PIK3C2G: variants seen among roughly 807,000 people sequenced by gnomAD.
The protein encoded by PIK3C2G is phosphatidylinositol-4-phosphate 3-kinase catalytic subunit type 2 gamma.
Under a neutral mutation model 181.1 loss-of-function variants are expected in PIK3C2G, and 168 were observed. That is an observed-to-expected ratio of 0.93 (90% confidence interval 0.82 to 1.05). The LOEUF is 1.05. Among genes scored for constraint, PIK3C2G ranks in the 50% least tolerant of loss-of-function variants. PIK3C2G has a pLI of 0.00. For missense variants in PIK3C2G, 1,869 were observed against 1,732.8 expected (o/e 1.08, Z -1.40); for synonymous variants, 573 against 592.2 (o/e 0.97, Z 0.47).
At chr12:18,421,566 T>C (rs1464043258) in intron 17 of PIK3C2G, among the ~76,000 whole-genome samples, 4 of 152,194 alleles carry the variant, frequency 2.6e-5, no homozygotes, top group South Asian at 4.1e-4. Context: ...AAGCAAAGAC[T>C]GATTTAGTCT....
chr12:18,634,880 C>T (rs1398552253), intron 31 of PIK3C2G, among the ~76,000 whole-genome samples: 1 of 151,448 alleles, frequency 6.6e-6, no homozygotes, highest in African/African-American at 2.4e-5. Flanking sequence ...TTTTTTTTGC[C>T]CATTTAGAGA....
intron 16 of PIK3C2G, among the ~76,000 whole-genome samples, chr12:18,406,469 G>A (rs1301762136): frequency 6.6e-6 from 1 of 152,130 alleles, no homozygotes; most frequent in Non-Finnish European, 1.5e-5. Context: ...AAAGGAATAG[G>A]GAGATATAAA....
chr12:18,381,219 C>G (rs1017843021), intron 13 of PIK3C2G, among the ~76,000 whole-genome samples: 80 of 152,118 alleles, frequency 5.3e-4, no homozygotes, highest in Admixed American at 3.9e-4. Flanking sequence ...AATAATCTTT[C>G]TATTTATGCA....
intron 18 of PIK3C2G, among the ~76,000 whole-genome samples, chr12:18,447,147 G>T (rs1592280409): frequency 1.3e-5 from 2 of 152,202 alleles, no homozygotes; most frequent in South Asian, 4.1e-4. Context: ...ACCCCTATTT[G>T]GTTCGTGTGT....
At chr12:18,307,033 T>C (rs963253981) in intron 5 of PIK3C2G, among the ~76,000 whole-genome samples, 5 of 149,866 alleles carry the variant, frequency 3.3e-5, no homozygotes, top group Admixed American at 6.8e-5. Context: ...AAGGAGCGGC[T>C]AGGGCAATGA....
intron 22 of PIK3C2G, among the ~76,000 whole-genome samples, chr12:18,499,028 T>C (rs1941224798): frequency 6.6e-6 from 1 of 152,224 alleles, no homozygotes; most frequent in African/African-American, 2.4e-5. Context: ...TTTCTCCAGA[T>C]ATTGAATAAA....
chr12:18,666,059 A>G, the PIK3C2G span, among the ~76,000 whole-genome samples: 5 of 152,082 alleles, frequency 3.3e-5, no homozygotes, highest in Non-Finnish European at 7.4e-5. Flanking sequence ...TAAGATATTA[A>G]TGGTAATCTC....
rs576853300 is a variant in PIK3C2G at position 18,362,805 on chromosome 12, G to C, written c.1667G>C (p.Gly556Ala). 7.3e-5 allele frequency: 111 copies of C among 1,524,646 alleles called. 5 individuals carry two copies. The South Asian group carries it at 1.3e-3, about 18-fold the overall frequency. The allele number at this position is 1,524,646 out of a possible 1,614,324, so 94.4% of individuals were successfully genotyped here. The stretch of plus-strand genomic sequence containing the variant: ...TTTACCTGTTGGCTTACATATGCTG[G>C]AAAGAAGCTGTGCCAAGTGAGAAAC... ...FSFTCWLTYA[G>A]KKLCQVRNYR... The change falls in exon 12 of 33, where the codon GGA becomes GCA. Residue 556 changes from glycine (G) to alanine (A), a missense_variant. Gly to Ala is a moderately conservative substitution (Grantham distance 60). Coordinates refer to ENST00000538779, the MANE Select transcript of PIK3C2G (RefSeq NM_001288772.2).
At chr12:18,537,809 A>T (rs2136238705) in intron 24 of PIK3C2G, among the ~76,000 whole-genome samples, 1 of 152,144 alleles carries the variant, frequency 6.6e-6, no homozygotes, top group Non-Finnish European at 1.5e-5. Context: ...TTAGCAGAAA[A>T]TGTACTTTTT....
chr12:18,625,687 T>C (rs1026647603), intron 31 of PIK3C2G, among the ~76,000 whole-genome samples: 2 of 151,874 alleles, frequency 1.3e-5, no homozygotes, highest in African/African-American at 2.4e-5. Flanking sequence ...ATTTGCTTTA[T>C]ACATATAGCT....
rs192115629 is a variant in PIK3C2G, at chr12:18,326,696, A to G, written c.1272+1598A>G. Among the ~76,000 whole-genome samples, 22 of 152,256 alleles carry G rather than the reference A, an allele frequency of 1.4e-4. No individual in the cohort carries two copies. In the East Asian group the frequency reaches 4.1e-3, roughly 28 times the overall value. ...CAATTAGCTTGTTTTAAGTCTCATAAAAGTGTTTTGGTTAGTACCTCTAAT... is the reference window on the plus strand; with the variant it reads ...CAATTAGCTTGTTTTAAGTCTCATAGAAGTGTTTTGGTTAGTACCTCTAAT... On this transcript the variant is annotated intron_variant, in intron 8 of 32. Transcript: ENST00000538779.
chr12:18,528,102 A>C (rs1284616685), intron 24 of PIK3C2G, among the ~76,000 whole-genome samples: 1 of 152,156 alleles, frequency 6.6e-6, no homozygotes, highest in African/African-American at 2.4e-5. Context: ...CATATTGTAC[A>C]TGTGAGGTTT....
chr12:18,684,073 A>G, the PIK3C2G span: 18 of 1,580,166 alleles, frequency 1.1e-5, no homozygotes, highest in Non-Finnish European at 1.5e-5. Flanking sequence ...TGTGTCTTTG[A>G]TATACACAAG....
At chr12:18,267,813 T>G (rs745940932) in intron 1 of PIK3C2G, among the ~76,000 whole-genome samples, 9 of 152,248 alleles carry the variant, frequency 5.9e-5, no homozygotes, top group Non-Finnish European at 8.8e-5. Flanking sequence ...AGAAGTGGAC[T>G]GTTTTTGTAC....
rs1274341231 is a variant in PIK3C2G, at chr12:18,648,037, A to G, written c.*9A>G. ...GAAACAGTATAATTTGACCATTGCT[A>G]TGAACATATGCATTATTCATTAACT... On this transcript the variant is annotated 3_prime_UTR_variant, in exon 33 of 33. Transcript: ENST00000538779. 9 of 1,559,640 alleles carry G rather than the reference A, an allele frequency of 5.8e-6. No homozygotes were observed. Among genetic ancestry groups the G allele is most frequent in the Non-Finnish European group, 7.0e-6 (8 of 1,146,134 alleles).
chr12:18,556,576 GT>G (rs1352883639), intron 26 of PIK3C2G, among the ~76,000 whole-genome samples: 1 of 152,140 alleles, frequency 6.6e-6, no homozygotes, highest in African/African-American at 2.4e-5. Context: ...TGAGAAGTGA[GT>G]GCATGCTGTC....
At chr12:18,690,781 A>T in the PIK3C2G span, among the ~76,000 whole-genome samples, 1 of 152,098 alleles carries the variant, frequency 6.6e-6, no homozygotes, top group African/African-American at 2.4e-5. Context: ...TAGTCACAGG[A>T]AGAGCCTACG....
chr12:18,643,343 C>T (rs1310814648), intron 32 of PIK3C2G, among the ~76,000 whole-genome samples: 1 of 151,836 alleles, frequency 6.6e-6, no homozygotes, highest in Non-Finnish European at 1.5e-5. Flanking sequence ...TAAATTGCTT[C>T]GAAAGCCATG....
At chr12:18,383,811 GT>G (rs375202024) in intron 14 of PIK3C2G, among the ~76,000 whole-genome samples, 1,621 of 146,178 alleles carry the variant, frequency 0.011, 20 homozygotes, top group African/African-American at 0.038. Context: ...GGGTTTGGGT[GT>G]TTTTTTTTTG....
Sources: allele counts gnomAD v4.1 joint callset (sites outside exome capture counted in the v4.1 genomes callset), GRCh38; gene constraint gnomAD v4.1.1; transcripts MANE v1.5; gene names NCBI Gene and HGNC (gene_info 2026-07-23, HGNC 2026-07-21).